RYR3: variants seen among roughly 807,000 people sequenced by gnomAD.
RYR3 encodes the protein brain ryanodine receptor-calcium release channel.
A neutral mutation model predicts 584.3 loss-of-function variants in RYR3; 207 were observed. That is an observed-to-expected ratio of 0.35 (90% CI 0.32 to 0.40). The LOEUF (loss-of-function observed/expected upper bound fraction) is 0.40. RYR3 is among the 10% of genes least tolerant of loss of function. RYR3 has a pLI of 1.00. For synonymous variants in RYR3, 2,416 were observed against 2,248.5 expected (o/e 1.07, Z -2.11); for missense variants, 5,616 against 6,089.2 (o/e 0.92, Z 2.59).
chr15:33,750,130 G>C (rs1199823165), intron 56 of RYR3, 33 bp from the exon 57 acceptor site: 5 of 1,607,842 alleles, frequency 3.1e-6, no homozygotes, highest in East Asian at 2.2e-5. Flanking sequence ...CAAAGGAAGA[G>C]CCAAATGTCA....
intron 6 of RYR3, 144 bp downstream of exon 6, chr15:33,539,606 G>T (rs1285092078): frequency 1.2e-5 from 6 of 483,436 alleles, no homozygotes; most frequent in Non-Finnish European, 1.9e-5. Flanking sequence ...CAATGTAGGG[G>T]TTAGGGATGC....
At chr15:33,651,587 A>C (rs781095994) in intron 31 of RYR3, among the ~76,000 whole-genome samples, 1 of 152,158 alleles carries the variant, frequency 6.6e-6, no homozygotes, top group Non-Finnish European at 1.5e-5. Flanking sequence ...TTCAAATGAG[A>C]ACATCATCCT....
At chr15:33,547,986 C>A in intron 8 of RYR3, 144 bp from the exon 9 acceptor site, 1 of 648,682 alleles carries the variant, frequency 1.5e-6, no homozygotes. Flanking sequence ...ACTGTCTTCC[C>A]TCTTATTCTG....
chr15:33,695,051 G>A (rs1457417538), intron 38 of RYR3, among the ~76,000 whole-genome samples: 1 of 152,194 alleles, frequency 6.6e-6, no homozygotes, highest in East Asian at 1.9e-4. Context: ...GCTACCAGAA[G>A]CACTGATCTG....
At chr15:33,560,602 A>G (rs922708770) in intron 10 of RYR3, among the ~76,000 whole-genome samples, 1 of 152,220 alleles carries the variant, frequency 6.6e-6, no homozygotes, top group Non-Finnish European at 1.5e-5. Context: ...TGTGGTGTGC[A>G]TAATTTTTAA....
At chr15:33,686,815 A>G (rs778310864) in intron 38 of RYR3, among the ~76,000 whole-genome samples, 8 of 152,262 alleles carry the variant, frequency 5.3e-5, no homozygotes, top group Non-Finnish European at 1.2e-4. Flanking sequence ...AACCAAAGAC[A>G]AAAACCACAT....
intron 3 of RYR3, among the ~76,000 whole-genome samples, chr15:33,528,477 T>C (rs901637021): frequency 1.3e-5 from 2 of 152,244 alleles, no homozygotes; most frequent in Non-Finnish European, 2.9e-5. Flanking sequence ...GATACCTCTT[T>C]ATCCTCCTAG....
intron 6 of RYR3, 122 bp downstream of exon 6, chr15:33,539,584 T>C: frequency 3.3e-6 from 2 of 613,342 alleles, no homozygotes; most frequent in Non-Finnish European, 5.9e-6. Flanking sequence ...ATATATAGAG[T>C]TGACCCTTAA....
intron 2 of RYR3, among the ~76,000 whole-genome samples, chr15:33,497,293 C>T (rs1162939879): frequency 6.6e-6 from 1 of 152,172 alleles, no homozygotes; most frequent in Non-Finnish European, 1.5e-5. Flanking sequence ...ATGCTGTCTA[C>T]ATGGTCTTTC....
At chr15:33,579,468 T>A (rs1194421393) in intron 12 of RYR3, among the ~76,000 whole-genome samples, 4 of 152,128 alleles carry the variant, frequency 2.6e-5, no homozygotes, top group Non-Finnish European at 4.4e-5. Flanking sequence ...CAAGAAGGTG[T>A]GATTGTTTAA....
At chr15:33,735,486 C>A (rs1275022361) in intron 48 of RYR3, among the ~76,000 whole-genome samples, 3 of 152,124 alleles carry the variant, frequency 2.0e-5, no homozygotes, top group African/African-American at 7.2e-5. Flanking sequence ...TGGAAAAAAT[C>A]CAGGGATTCA....
rs188500761 is a variant in RYR3 at position 33,681,380 on chromosome 15, G to A, written c.5860+10824G>A. Among the ~76,000 whole-genome samples the A allele has an allele frequency of 1.5e-4, 23 of 152,292 alleles. No homozygotes were observed. In the East Asian group the frequency reaches 3.7e-3, roughly 24 times the overall value. On this transcript the variant is annotated intron_variant, in intron 38 of 103. Coordinates refer to ENST00000634891, the MANE Select transcript of RYR3 (RefSeq NM_001036.6). ...GTCACAAGTCAACAGTAGGCTAGTA[G>A]GGCTGCATTCCTTCTGGACTTTCTA... is the stretch of plus-strand genomic sequence containing the variant.
chr15:33,726,514 G>A lies in RYR3; in HGVS notation c.7033+8G>A, dbSNP rs1382994446. 6.3e-7 allele frequency: 1 copy of A among 1,582,264 alleles called. No individual in the cohort carries two copies. Among genetic ancestry groups the A allele is most frequent in the Admixed American group, 1.8e-5 (1 of 55,440 alleles). ...TGCCCTCCCTCAACAAAGGTAAGGG[G>A]AGTGACTGCAGGCTGCAGCAGCAGT... is the stretch of plus-strand genomic sequence containing the variant. On this transcript the variant is annotated splice_region_variant and intron_variant, in intron 46 of 103. Transcript: ENST00000634891.
In RYR3 at chr15:33,509,182, A is replaced by G. The variant is rs530012011; in HGVS notation, c.279+5444A>G. Among the ~76,000 whole-genome samples the G allele has an allele frequency of 1.3e-3, 199 of 152,338 alleles. 1 individual carries two copies. Among genetic ancestry groups the G allele is most frequent in the African/African-American group, 4.5e-3 (188 of 41,564 alleles). ...TGTGACACTGCTAGCTGATAAATAC[A>G]TCAAAACAAACACTGATGAAGGGAA... On this transcript the variant is annotated intron_variant, in intron 3 of 103. Transcript: ENST00000634891.
intron 85 of RYR3, among the ~76,000 whole-genome samples, chr15:33,830,281 A>G (rs1596866120): frequency 1.3e-5 from 2 of 152,370 alleles, no homozygotes; most frequent in Admixed American, 1.3e-4. Flanking sequence ...CACCCTGTTT[A>G]GTCAGTAGCC....
intron 1 of RYR3, among the ~76,000 whole-genome samples, chr15:33,458,161 TGAGTA>T (rs2047715629): frequency 6.6e-6 from 1 of 152,124 alleles, no homozygotes; most frequent in Non-Finnish European, 1.5e-5. Flanking sequence ...CTTAGTAAGC[TGAGTA>T]AAGTAAGAAG....
At chr15:33,672,539 A>T (rs978247260) in intron 38 of RYR3, among the ~76,000 whole-genome samples, 1 of 152,224 alleles carries the variant, frequency 6.6e-6, no homozygotes, top group African/African-American at 2.4e-5. Flanking sequence ...TGTTCCAGAC[A>T]TGATGAATCC....
At chr15:33,771,525 G>T (rs12591565) in intron 62 of RYR3, among the ~76,000 whole-genome samples, 58,517 of 150,986 alleles carry the variant, frequency 0.39, 11,474 homozygotes, top group South Asian at 0.5. Flanking sequence ...AGGGTGAGAC[G>T]CTGTCTCAAA....
At position 33,584,377 on chromosome 15, in the gene RYR3, A is replaced by T; in HGVS notation, c.1574-18A>T. The T allele has an allele frequency of 6.8e-7, 1 of 1,468,444 alleles. No individual in the cohort carries two copies. The allele number at this position is 1,468,444 out of a possible 1,614,324, so 91.0% of individuals were successfully genotyped here. ...TATATCCTTTAACCTCTATGATCAAACATCTCCTTGTTTGCAGCTGCTCTC... is the reference window on the plus strand; with the variant it reads ...TATATCCTTTAACCTCTATGATCAATCATCTCCTTGTTTGCAGCTGCTCTC... On this transcript the variant is annotated intron_variant, in intron 14 of 103. Coordinates refer to ENST00000634891, the MANE Select transcript of RYR3 (RefSeq NM_001036.6).
Sources: allele counts gnomAD v4.1 joint callset (sites outside exome capture counted in the v4.1 genomes callset), GRCh38; gene constraint gnomAD v4.1.1; transcripts MANE v1.5; gene names NCBI Gene and HGNC (gene_info 2026-07-23, HGNC 2026-07-21).